Variants in MTHFD2L observed in about 807,000 individuals in gnomAD.
The protein encoded by MTHFD2L is methylenetetrahydrofolate dehydrogenase (NADP+ dependent) 2 like.
MTHFD2L carries 29 observed loss-of-function variants against 34.9 expected under a neutral mutation model. The ratio of observed to expected loss-of-function variants is 0.83; its 90% CI spans 0.62 to 1.13. The LOEUF is 1.13. Among genes scored for constraint, MTHFD2L ranks in the 50% most tolerant of loss-of-function variants. The probability of loss-of-function intolerance (pLI) is 0.00; values close to 1 mark genes in which losing one functional copy is unlikely to be tolerated. For synonymous variants in MTHFD2L, 167 were observed against 155.7 expected, an observed-to-expected ratio of 1.07 and a Z score of -0.54; for missense variants, 481 against 446.5, an observed-to-expected ratio of 1.08 and a Z score of -0.70.
chr4:74,279,865 G>C (rs1365171330), intron 6 of MTHFD2L, among the ~76,000 whole-genome samples: 1 of 152,032 alleles, frequency 6.6e-6, no homozygotes, highest in Non-Finnish European at 1.5e-5. Flanking sequence ...TGACTCTTCT[G>C]TTACATCATT....
At chr4:74,217,455 C>A (rs1163653338) in intron 5 of MTHFD2L, among the ~76,000 whole-genome samples, 1 of 151,404 alleles carries the variant, frequency 6.6e-6, no homozygotes, top group African/African-American at 2.4e-5. Flanking sequence ...TCTTTTTTTC[C>A]ATTGCTGTTC....
chr4:74,165,138 A>T (rs1235889512), intron 1 of MTHFD2L: 1 of 215,142 alleles, frequency 4.6e-6, no homozygotes. Context: ...GCTTACAAAT[A>T]TATTAGTGAA....
intron 5 of MTHFD2L, among the ~76,000 whole-genome samples, chr4:74,203,651 C>T (rs1286714682): frequency 6.6e-6 from 1 of 152,050 alleles, no homozygotes; most frequent in Non-Finnish European, 1.5e-5. Flanking sequence ...TTTTAAACAA[C>T]CAGATATCAT....
At chr4:74,290,448 C>A (rs1160712229) in intron 7 of MTHFD2L, among the ~76,000 whole-genome samples, 1 of 152,022 alleles carries the variant, frequency 6.6e-6, no homozygotes, top group African/African-American at 2.4e-5. Context: ...GGTTTGAATC[C>A]CAACTCTACT....
chr4:74,184,117 G>C (rs576025185), intron 3 of MTHFD2L, among the ~76,000 whole-genome samples: 1 of 152,242 alleles, frequency 6.6e-6, no homozygotes, highest in Admixed American at 6.5e-5. Context: ...AAAGTAGAAT[G>C]ATCACAGATA....
intron 7 of MTHFD2L, among the ~76,000 whole-genome samples, chr4:74,297,425 A>G (rs9993008): frequency 0.12 from 18,616 of 152,018 alleles, 3,081 homozygotes; most frequent in African/African-American, 0.38. Flanking sequence ...TCAAGATCTC[A>G]TACCTCATTC....
chr4:74,172,475 T>C lies in MTHFD2L; in HGVS notation c.144-2031T>C, dbSNP rs148215615. On this transcript the variant is annotated intron_variant, in intron 1 of 7. Coordinates refer to ENST00000325278, the MANE Select transcript of MTHFD2L (RefSeq NM_001144978.3). ...GAGTAGACAAAATTAGAATCAAAAGTAGAGTTTACTTAGAATGTCTAGTTG... is the reference window on the plus strand; with the variant it reads ...GAGTAGACAAAATTAGAATCAAAAGCAGAGTTTACTTAGAATGTCTAGTTG... 5.9e-3 allele frequency among the ~76,000 whole-genome samples: 891 copies of C among 152,252 alleles called. 7 individuals carry two copies. The highest frequency in any genetic ancestry group is 0.021 in the African/African-American group (857 of 41,530).
chr4:74,130,088 T>G (rs997440268), intron 1 of MTHFD2L, among the ~76,000 whole-genome samples: 1 of 152,180 alleles, frequency 6.6e-6, no homozygotes, highest in Admixed American at 6.6e-5. Flanking sequence ...ATTGAGGCAG[T>G]AATTAATAGC....
chr4:74,136,870 AG>A (rs1437515955), intron 1 of MTHFD2L, among the ~76,000 whole-genome samples: 1 of 152,214 alleles, frequency 6.6e-6, no homozygotes, highest in Non-Finnish European at 1.5e-5. Context: ...AAATGGGGAA[AG>A]GTCAGCCTTT....
chr4:74,214,377 C>G (rs987648887), intron 5 of MTHFD2L, among the ~76,000 whole-genome samples: 1 of 151,672 alleles, frequency 6.6e-6, no homozygotes, highest in Admixed American at 6.6e-5. Flanking sequence ...ATGTTGGTGT[C>G]CTTCGGATGG....
rs185977114 is a variant in MTHFD2L, at chr4:74,223,832, A to G, written c.713-1470A>G. On this transcript the variant is annotated intron_variant, in intron 5 of 7. Coordinates refer to ENST00000325278, the MANE Select transcript of MTHFD2L (RefSeq NM_001144978.3). ...TAAAAATTTGCATATGGTAAAATTT[A>G]CTCTTTTTGGTGTGCAGTTTCATTA... Among the ~76,000 whole-genome samples, 661 of 151,906 alleles carry G rather than the reference A, an allele frequency of 4.4e-3. 5 individuals are homozygous for G. The highest frequency in any genetic ancestry group is 4.3e-3 in the Non-Finnish European group (289 of 67,930).
chr4:74,246,694 T>A (rs1742509401), intron 6 of MTHFD2L, among the ~76,000 whole-genome samples: 1 of 152,196 alleles, frequency 6.6e-6, no homozygotes, highest in African/African-American at 2.4e-5. Context: ...GCTTTCTACA[T>A]ATGGCCAGCC....
intron 6 of MTHFD2L, among the ~76,000 whole-genome samples, chr4:74,245,194 CAAAAAAAAAAAAAAA>C (rs57639523): frequency 3.0e-5 from 2 of 66,362 alleles, no homozygotes; most frequent in African/African-American, 1.3e-4. Flanking sequence ...GACTCAGTCT[CAAAAAAAAAAAAAAA>C]AAAAAAAAAA....
chr4:74,203,844 T>C (rs565009918), intron 5 of MTHFD2L, among the ~76,000 whole-genome samples: 1 of 152,126 alleles, frequency 6.6e-6, no homozygotes, highest in African/African-American at 2.4e-5. Context: ...CAGTAATGTT[T>C]ACCTAAGTAT....
intron 6 of MTHFD2L, among the ~76,000 whole-genome samples, chr4:74,250,161 G>C (rs927479486): frequency 6.6e-6 from 1 of 152,046 alleles, no homozygotes; most frequent in Admixed American, 6.6e-5. Context: ...CATATTTCTT[G>C]GAGGCTTTGT....
intron 7 of MTHFD2L, among the ~76,000 whole-genome samples, chr4:74,285,202 G>A (rs1338736536): frequency 6.6e-6 from 1 of 151,644 alleles, no homozygotes; most frequent in Non-Finnish European, 1.5e-5. Context: ...GGGTGAGGGG[G>A]ATGGGGGAGG....
chr4:74,194,658 G>A (rs1159727772), intron 3 of MTHFD2L: 1 of 152,106 alleles, frequency 6.6e-6, no homozygotes, highest in African/African-American at 2.4e-5. Context: ...TAGCCTAAAG[G>A]TTTTTCTGTA....
At chr4:74,115,556 G>A (rs750225330) in intron 2 of MTHFD2L, among the ~76,000 whole-genome samples, 6 of 152,212 alleles carry the variant, frequency 3.9e-5, no homozygotes, top group African/African-American at 7.2e-5. Flanking sequence ...TTCCCCTTGA[G>A]GGGGTGCTCT....
Position 74,225,380 on chromosome 4 carries a change from T to C in MTHFD2L, c.791T>C (p.Ile264Thr), listed in dbSNP as rs1390541866. 3.1e-6 allele frequency: 5 copies of C among 1,612,800 alleles called. No homozygotes were observed. The highest frequency in any genetic ancestry group is 1.7e-5 in the Admixed American group (1 of 59,922). The change falls in exon 6 of 8, where the codon ATC becomes ACC. Residue 264 changes from isoleucine (I) to threonine (T), a missense_variant. Ile to Thr is a moderately conservative substitution (Grantham distance 89). Coordinates refer to ENST00000325278, the MANE Select transcript of MTHFD2L (RefSeq NM_001144978.3). ...ATTCATACGCAGCTGGCAGATATTA[T>C]CATAGTTGCTGCAGGTAAGTCCTTA... Reference protein sequence around the residue: ...LKIHTQLADIIIVAAGIPKLI... With the variant: ...LKIHTQLADITIVAAGIPKLI...
Sources: allele counts gnomAD v4.1 joint callset (sites outside exome capture counted in the v4.1 genomes callset), GRCh38; gene constraint gnomAD v4.1.1; transcripts MANE v1.5; gene names NCBI Gene and HGNC (gene_info 2026-07-23, HGNC 2026-07-21).